The following PPP2R2B variants were observed in gnomAD, a reference collection of about 807,000 sequenced individuals.
PPP2R2B encodes protein phosphatase 2 regulatory subunit Bbeta.
A neutral mutation model predicts 46.0 loss-of-function variants in PPP2R2B; 5 were observed. The ratio of observed to expected loss-of-function variants is 0.11; its 90% CI spans 0.06 to 0.23. The LOEUF (loss-of-function observed/expected upper bound fraction) is 0.23. PPP2R2B is among the 10% of genes least tolerant of loss of function. The probability of loss-of-function intolerance (pLI) is 1.00; values close to 1 mark genes in which losing one functional copy is unlikely to be tolerated. For missense variants in PPP2R2B, 367 were observed against 575.0 expected (o/e 0.64, Z 3.70); for synonymous variants, 215 against 206.7 (o/e 1.04, Z -0.34).
chr5:146,783,978 C>T (rs1174072623), intron 2 of PPP2R2B, among the ~76,000 whole-genome samples: 3 of 152,108 alleles, frequency 2.0e-5, no homozygotes, highest in African/African-American at 4.8e-5. Context: ...GAGCTTAGCA[C>T]GTAATTCCCA....
At position 146,587,668 on chromosome 5, in the gene PPP2R2B, A is replaced by C. The variant is rs1315098310; in HGVS notation, c.*2279T>G. The C allele has an allele frequency of 6.6e-6, 1 of 152,164 alleles. No homozygotes were observed. The highest frequency in any genetic ancestry group is 1.5e-5 in the Non-Finnish European group (1 of 68,032). The allele number at this position is 152,164 out of a possible 1,614,324, so 9.4% of individuals were successfully genotyped here. ...TACTCAGGGTCCCAAAGTTTGATAC[A>C]CATGCTCCTGGTGGTTCACAAAATG... On this transcript the variant is annotated 3_prime_UTR_variant, in exon 10 of 10. Coordinates refer to ENST00000394411, the MANE Select transcript of PPP2R2B (RefSeq NM_181675.4).
intron 5 of PPP2R2B, among the ~76,000 whole-genome samples, chr5:146,661,819 G>A (rs1776691420): frequency 1.3e-5 from 2 of 152,098 alleles, no homozygotes; most frequent in South Asian, 4.1e-4. Flanking sequence ...TTCTCAAAGT[G>A]TGTTTCCCTG....
At chr5:146,596,382 A>C (rs563079273) in intron 8 of PPP2R2B, among the ~76,000 whole-genome samples, 1 of 144,618 alleles carries the variant, frequency 6.9e-6, no homozygotes, top group Admixed American at 6.7e-5. Flanking sequence ...TTCATTAACT[A>C]ATTTCTTTCC....
intron 1 of PPP2R2B, among the ~76,000 whole-genome samples, chr5:146,910,450 G>T (rs1284737650): frequency 6.6e-6 from 1 of 152,196 alleles, no homozygotes; most frequent in Non-Finnish European, 1.5e-5. Flanking sequence ...GAGAGCACAT[G>T]TACAAACATG....
Position 146,691,249 on chromosome 5 carries a change from G to A in PPP2R2B, c.335-9C>T, listed in dbSNP as rs757564573. 4.3e-6 allele frequency: 7 copies of A among 1,610,146 alleles called. No individual in the cohort carries two copies. Among genetic ancestry groups the A allele is most frequent in the Non-Finnish European group, 5.9e-6 (7 of 1,176,924 alleles). ...CAGCTTCACAGTTTTATCTGTAGTG[G>A]GCAACCAGATTAAGTCAGAATTATA... is the stretch of plus-strand genomic sequence containing the variant. On this transcript the variant is annotated splice_polypyrimidine_tract_variant and intron_variant, in intron 4 of 9. Coordinates refer to ENST00000394411, the MANE Select transcript of PPP2R2B (RefSeq NM_181675.4).
At chr5:146,603,115 G>A (rs1037700183) in intron 7 of PPP2R2B, among the ~76,000 whole-genome samples, 4 of 152,112 alleles carry the variant, frequency 2.6e-5, no homozygotes, top group Admixed American at 6.6e-5. Flanking sequence ...GCAAAAAGAG[G>A]AGCCACATTG....
Position 146,646,739 on chromosome 5 carries a change from T to G in PPP2R2B, c.625+3808A>C, listed in dbSNP as rs144781279. 2.0e-5 allele frequency among the ~76,000 whole-genome samples: 3 copies of G among 152,300 alleles called. No homozygotes were observed. In the East Asian group the frequency reaches 5.8e-4, roughly 29 times the overall value. ...AAATTAGCAGAATAAAAGCTACCAT[T>G]CTAATGTTCAACTTTTCTAGTTTCC... On this transcript the variant is annotated intron_variant, in intron 6 of 9. Transcript: ENST00000394411.
At chr5:146,845,745 T>C (rs574052249) in intron 2 of PPP2R2B, among the ~76,000 whole-genome samples, 3 of 152,186 alleles carry the variant, frequency 2.0e-5, no homozygotes, top group African/African-American at 7.2e-5. Context: ...AAATAGGCAA[T>C]TTGAGTATGT....
rs779532921 is a variant in PPP2R2B at position 146,650,556 on chromosome 5, G to T, written c.616C>A (p.Gln206Lys). 13 of 1,612,914 alleles carry T rather than the reference G, an allele frequency of 8.1e-6. No individual in the cohort carries two copies. Among genetic ancestry groups the T allele is most frequent in the Non-Finnish European group, 1.1e-5 (13 of 1,179,498 alleles). Residue 206 changes from glutamine to lysine, a missense_variant, in exon 6 of 10, where the codon CAA becomes AAA. This residue lies in a region of PPP2R2B where 361 missense variants were observed against 545.5 expected (regional missense o/e 0.66). Coordinates refer to ENST00000394411, the MANE Select transcript of PPP2R2B (RefSeq NM_181675.4). ...CACAAAGAAAGGATACTAAAACTTT[G>T]ATTGGTTATTTCAAAGTTCCATAGG... Reference protein sequence around the residue: ...INLWNFEITNQSFNIVDIKPA... With the variant: ...INLWNFEITNKSFNIVDIKPA...
chr5:147,077,309 CA>C (rs35515872), intron 2 of PPP2R2B, among the ~76,000 whole-genome samples: 234 of 135,314 alleles, frequency 1.7e-3, no homozygotes, highest in Middle Eastern at 7.6e-3. Flanking sequence ...CACACACACA[CA>C]CCCACACCCA....
In PPP2R2B at chr5:146,900,542, T is replaced by TCC. The variant is rs1333582659; in HGVS notation, c.79+155122_79+155123insGG. Among the ~76,000 whole-genome samples the TCC allele has an allele frequency of 6.2e-5, 6 of 96,804 alleles. No individual in the cohort carries two copies. In the South Asian group the frequency reaches 1.6e-3, roughly 26 times the overall value. The allele number at this position is 96,804 out of a possible 152,430, so 63.5% of individuals were successfully genotyped here. On this transcript the variant is annotated intron_variant, in intron 1 of 8. Transcript: ENST00000336640. Reference sequence around the variant, plus strand: ...TTCTTTCTCCTTTCCTTTCCTTTCTTTTTCCTTCCTTTCTTCCTTCCTTCC... The same window carrying TCC: ...TTCTTTCTCCTTTCCTTTCCTTTCTTCCTTTCCTTCCTTTCTTCCTTCCTTCC...
chr5:147,014,723 G>A (rs1460495599), intron 1 of PPP2R2B, among the ~76,000 whole-genome samples: 1 of 149,382 alleles, frequency 6.7e-6, no homozygotes, highest in African/African-American at 2.5e-5. Context: ...ATATCACACT[G>A]GGGACTGTTG....
intron 2 of PPP2R2B, among the ~76,000 whole-genome samples, chr5:147,077,238 T>A (rs1369144650): frequency 2.1e-5 from 3 of 145,876 alleles, no homozygotes; most frequent in Admixed American, 7.0e-5. Flanking sequence ...ATAAATATAA[T>A]ATATACATAT....
intron 8 of PPP2R2B, among the ~76,000 whole-genome samples, chr5:146,599,696 C>A (rs1482116808): frequency 1.3e-5 from 2 of 152,132 alleles, no homozygotes; most frequent in Non-Finnish European, 2.9e-5. Flanking sequence ...ATGTGCAGAA[C>A]ATGCAGGTTT....
chr5:147,070,357 C>T (rs1224086196), intron 2 of PPP2R2B, among the ~76,000 whole-genome samples: 1 of 152,014 alleles, frequency 6.6e-6, no homozygotes, highest in Non-Finnish European at 1.5e-5. Flanking sequence ...ATATAATAGA[C>T]TAAAAATAAA....
At chr5:146,687,208 A>C (rs1426124365) in intron 5 of PPP2R2B, among the ~76,000 whole-genome samples, 2 of 152,184 alleles carry the variant, frequency 1.3e-5, no homozygotes, top group Non-Finnish European at 2.9e-5. Context: ...TATATGTCTA[A>C]GTTTAAGAGC....
At chr5:146,792,363 C>G (rs533926299) in intron 2 of PPP2R2B, among the ~76,000 whole-genome samples, 1 of 152,146 alleles carries the variant, frequency 6.6e-6, no homozygotes, top group Non-Finnish European at 1.5e-5. Context: ...TGAGTCAATG[C>G]CACATTGTTC....
chr5:146,750,869 C>A (rs1264149238), intron 2 of PPP2R2B, among the ~76,000 whole-genome samples: 3 of 152,174 alleles, frequency 2.0e-5, no homozygotes, highest in African/African-American at 7.2e-5. Context: ...ATCCAGCAGC[C>A]TCTCTGTGGT....
intron 5 of PPP2R2B, among the ~76,000 whole-genome samples, chr5:146,677,636 T>G (rs551945060): frequency 6.6e-6 from 1 of 150,630 alleles, no homozygotes; most frequent in African/African-American, 2.4e-5. Flanking sequence ...CAAGTAGTTC[T>G]CCCACTGTAG....
Sources: allele counts gnomAD v4.1 joint callset (sites outside exome capture counted in the v4.1 genomes callset), GRCh38; gene constraint gnomAD v4.1.1; regional missense constraint gnomAD v4.1.1; transcripts MANE v1.5; gene names NCBI Gene and HGNC (gene_info 2026-07-23, HGNC 2026-07-21).